The following CDH20 variants were observed in gnomAD, a reference collection of about 807,000 sequenced individuals.
The protein encoded by CDH20 is cadherin-20.
A neutral mutation model predicts 74.2 loss-of-function variants in CDH20; 29 were observed. The ratio of observed to expected loss-of-function variants is 0.39; its 90% CI spans 0.29 to 0.53. The LOEUF is 0.53. Among genes scored for constraint, CDH20 ranks in the 20% least tolerant of loss-of-function variants. CDH20 has a pLI of 0.69. For missense variants in CDH20, 988 were observed against 1,048.3 expected (o/e 0.94, Z 0.79); for synonymous variants, 469 against 405.4 (o/e 1.16, Z -1.88).
intron 1 of CDH20, among the ~76,000 whole-genome samples, chr18:61,354,055 GAA>G (rs1910406684): frequency 1.4e-5 from 2 of 139,818 alleles, no homozygotes; most frequent in African/African-American, 2.6e-5. Flanking sequence ...AAAAAAAAAA[GAA>G]AAAGAAAAAG....
At chr18:61,347,150 T>G (rs1237476073) in intron 1 of CDH20, among the ~76,000 whole-genome samples, 1 of 146,762 alleles carries the variant, frequency 6.8e-6, no homozygotes, top group Non-Finnish European at 1.5e-5. Flanking sequence ...ATGTTAACTA[T>G]CAAACACACA....
Position 61,499,166 on chromosome 18 carries a change from T to C in CDH20, c.247-20T>C. 1 of 1,513,290 alleles carries C rather than the reference T, an allele frequency of 6.6e-7. No homozygotes were observed. The highest frequency in any genetic ancestry group is 8.9e-7 in the Non-Finnish European group (1 of 1,128,286). 93.7% of individuals were successfully genotyped at this position (1,513,290 alleles called of 1,614,324 possible). Reference sequence around the variant, plus strand: ...ACCTGTTGACATTCATGATGAGAATTAGGTGCTTTCCTCTCCCAGCTTCAT... The same window carrying C: ...ACCTGTTGACATTCATGATGAGAATCAGGTGCTTTCCTCTCCCAGCTTCAT... On this transcript the variant is annotated intron_variant, in intron 2 of 11. Coordinates refer to ENST00000262717, the MANE Select transcript of CDH20 (RefSeq NM_031891.4).
chr18:61,452,865 C>T (rs937566204), intron 1 of CDH20, among the ~76,000 whole-genome samples: 9 of 152,052 alleles, frequency 5.9e-5, no homozygotes, highest in South Asian at 2.1e-4. Flanking sequence ...ACTAATAATT[C>T]GTGAATATCT....
chr18:61,370,122 G>A (rs1277984016), intron 1 of CDH20, among the ~76,000 whole-genome samples: 1 of 152,120 alleles, frequency 6.6e-6, no homozygotes, highest in Non-Finnish European at 1.5e-5. Flanking sequence ...CTTTAATTGT[G>A]ACTAAAAATT....
At chr18:61,377,732 T>A (rs985880712) in intron 1 of CDH20, among the ~76,000 whole-genome samples, 4 of 152,076 alleles carry the variant, frequency 2.6e-5, no homozygotes, top group Non-Finnish European at 5.9e-5. Flanking sequence ...GCACATTCTA[T>A]CATGGGTTTC....
At chr18:61,337,138 T>A (rs1287344198) in intron 1 of CDH20, among the ~76,000 whole-genome samples, 1 of 152,182 alleles carries the variant, frequency 6.6e-6, no homozygotes, top group Non-Finnish European at 1.5e-5. Flanking sequence ...AAAAGTAGCA[T>A]TTATCACTTT....
At chr18:61,520,757 C>A (rs1912176803) in intron 6 of CDH20, among the ~76,000 whole-genome samples, 1 of 151,256 alleles carries the variant, frequency 6.6e-6, no homozygotes, top group Admixed American at 6.6e-5. Flanking sequence ...ACAATGCAAT[C>A]AAATTAGAAC....
chr18:61,402,809 T>C (rs966589793), intron 1 of CDH20, among the ~76,000 whole-genome samples: 2 of 152,208 alleles, frequency 1.3e-5, no homozygotes, highest in Non-Finnish European at 2.9e-5. Flanking sequence ...ATATTGAAAC[T>C]TGAACATTTT....
rs56672205 is a variant in CDH20 at position 61,424,246 on chromosome 18, C to T, written c.-152-66156C>T. Among the ~76,000 whole-genome samples, 1,394 of 152,286 alleles carry T rather than the reference C, an allele frequency of 9.2e-3. 18 individuals carry two copies. The highest frequency in any genetic ancestry group is 0.032 in the African/African-American group (1,320 of 41,556). On this transcript the variant is annotated intron_variant, in intron 1 of 11. Transcript: ENST00000262717. ...ACATTTCAAGTCCTCTCTTCTAGTT[C>T]GTCTATTTTGAAATATACAATAGAT...
At chr18:61,403,101 G>GTGTCAGTA (rs1229262365) in intron 1 of CDH20, among the ~76,000 whole-genome samples, 2 of 152,124 alleles carry the variant, frequency 1.3e-5, no homozygotes, top group African/African-American at 2.4e-5. Context: ...CTTATAAATA[G>GTGTCAGTA]TGTCAGTATG....
chr18:61,536,454 C>T (rs772675864), intron 7 of CDH20, 39 bp from the exon 8 acceptor site: 14 of 1,595,208 alleles, frequency 8.8e-6, no homozygotes, highest in Non-Finnish European at 1.2e-5. Flanking sequence ...CATATGCTTA[C>T]CCAAATGCAA....
chr18:61,419,830 G>A (rs543980205), intron 1 of CDH20, among the ~76,000 whole-genome samples: 25 of 152,030 alleles, frequency 1.6e-4, no homozygotes, highest in Non-Finnish European at 2.2e-4. Flanking sequence ...CCTGACCTGC[G>A]TACAAAATAG....
At chr18:61,433,679 T>C (rs1258758136) in intron 1 of CDH20, among the ~76,000 whole-genome samples, 2 of 152,288 alleles carry the variant, frequency 1.3e-5, no homozygotes, top group East Asian at 1.9e-4. Flanking sequence ...AAGCTGAATA[T>C]AGTATTGATC....
intron 1 of CDH20, among the ~76,000 whole-genome samples, chr18:61,488,719 G>T (rs519174): frequency 0.052 from 1,549 of 29,534 alleles, 34 homozygotes; most frequent in African/African-American, 0.14. Context: ...CTTTTTTTTT[G>T]TTTGTTTGTT....
intron 1 of CDH20, among the ~76,000 whole-genome samples, chr18:61,463,949 G>C (rs1424373503): frequency 6.6e-6 from 1 of 152,036 alleles, no homozygotes; most frequent in Non-Finnish European, 1.5e-5. Flanking sequence ...TGCCCACACC[G>C]AGCCTGGAAA....
intron 1 of CDH20, among the ~76,000 whole-genome samples, chr18:61,474,779 A>G (rs549222195): frequency 8.5e-5 from 13 of 152,302 alleles, no homozygotes; most frequent in African/African-American, 3.1e-4. Flanking sequence ...CTGTGCTGGC[A>G]TCATGACCAG....
chr18:61,495,939 T>C (rs896511856), intron 2 of CDH20, among the ~76,000 whole-genome samples: 1 of 151,900 alleles, frequency 6.6e-6, no homozygotes, highest in Non-Finnish European at 1.5e-5. Context: ...GCTGAGATGC[T>C]TCCTGCTTCC....
At chr18:61,514,013 G>A (rs1285005388) in intron 6 of CDH20, among the ~76,000 whole-genome samples, 15 of 152,082 alleles carry the variant, frequency 9.9e-5, no homozygotes, top group South Asian at 2.1e-4. Flanking sequence ...TCTTTGTGGC[G>A]TTCTCTGTAT....
intron 1 of CDH20, among the ~76,000 whole-genome samples, chr18:61,466,666 C>A (rs1599104338): frequency 6.6e-6 from 1 of 152,166 alleles, no homozygotes; most frequent in African/African-American, 2.4e-5. Flanking sequence ...AGGGACTAAC[C>A]TAGTAAAGTT....
Sources: gnomAD v4.1 joint callset for allele counts (sites outside exome capture counted in the v4.1 genomes callset) on GRCh38, gnomAD v4.1.1 for gene constraint, MANE v1.5 for transcripts, NCBI Gene and HGNC (gene_info 2026-07-23, HGNC 2026-07-21) for gene names.